PTPRD: variants seen among roughly 807,000 people sequenced by gnomAD.
The protein encoded by PTPRD is receptor-type tyrosine-protein phosphatase delta.
Under a neutral mutation model 214.5 loss-of-function variants are expected in PTPRD, and 34 were observed. The ratio of observed to expected loss-of-function variants is 0.16; its 90% CI spans 0.12 to 0.21. The LOEUF is 0.21. Ranked by LOEUF, PTPRD falls within the 10% of genes least tolerant of loss-of-function variation. The pLI is 1.00. For missense variants in PTPRD, 2,545 were observed against 2,398.7 expected, an observed-to-expected ratio of 1.06 and a Z score of -1.27; for synonymous variants, 1,128 against 845.7, an observed-to-expected ratio of 1.33 and a Z score of -5.79.
chr9:9,540,925 T>C (rs1044075183), intron 8 of PTPRD, among the ~76,000 whole-genome samples: 3 of 151,796 alleles, frequency 2.0e-5, no homozygotes, highest in Non-Finnish European at 2.9e-5. Context: ...CTAAGAACAA[T>C]AGATAAGCTA....
intron 2 of PTPRD, among the ~76,000 whole-genome samples, chr9:10,408,057 G>A (rs1243956196): frequency 6.6e-6 from 1 of 151,438 alleles, no homozygotes; most frequent in Non-Finnish European, 1.5e-5. Context: ...ACAAGGGGTA[G>A]AACATTATAG....
intron 10 of PTPRD, among the ~76,000 whole-genome samples, chr9:9,052,216 C>G (rs77662352): frequency 6.6e-6 from 1 of 152,130 alleles, no homozygotes; most frequent in African/African-American, 2.4e-5. Context: ...AGGATACAAT[C>G]CATTCATGAG....
chr9:8,698,187 G>C lies in PTPRD; in HGVS notation c.64+35593C>G, dbSNP rs141055186. 2.5e-3 allele frequency among the ~76,000 whole-genome samples: 374 copies of C among 152,326 alleles called. 1 individual carries two copies. The highest frequency in any genetic ancestry group is 8.8e-3 in the African/African-American group (364 of 41,580). On this transcript the variant is annotated intron_variant, in intron 12 of 45. Transcript: ENST00000381196. Reference sequence around the variant, plus strand: ...GATGATGTAGATATTGTAAAATGCAGAGTACTAGCATACTGAATGCATACT... The same window carrying C: ...GATGATGTAGATATTGTAAAATGCACAGTACTAGCATACTGAATGCATACT...
chr9:9,647,289 T>C (rs556287029), intron 7 of PTPRD, among the ~76,000 whole-genome samples: 149 of 152,354 alleles, frequency 9.8e-4, no homozygotes, highest in Non-Finnish European at 1.7e-3. Flanking sequence ...AGACAATTTA[T>C]TTGATGACTG....
At chr9:9,372,762 T>G (rs1314650245) in intron 9 of PTPRD, among the ~76,000 whole-genome samples, 1 of 152,168 alleles carries the variant, frequency 6.6e-6, no homozygotes, top group Non-Finnish European at 1.5e-5. Flanking sequence ...GGTTGTTCCT[T>G]TCCATGTTTA....
intron 11 of PTPRD, among the ~76,000 whole-genome samples, chr9:9,016,019 G>C (rs2099533600): frequency 1.3e-5 from 2 of 152,082 alleles, no homozygotes; most frequent in Non-Finnish European, 2.9e-5. Flanking sequence ...AGCAGGACTT[G>C]AGGAATTTGC....
At chr9:10,449,066 T>G (rs557486427) in intron 2 of PTPRD, among the ~76,000 whole-genome samples, 28 of 151,258 alleles carry the variant, frequency 1.9e-4, no homozygotes, top group Non-Finnish European at 3.2e-4. Flanking sequence ...TCTCCCACTT[T>G]CCACGGTCTC....
intron 11 of PTPRD, among the ~76,000 whole-genome samples, chr9:9,006,011 A>T (rs993568257): frequency 1.3e-4 from 20 of 152,028 alleles, no homozygotes; most frequent in East Asian, 7.7e-4. Context: ...ATTTTTTTTT[A>T]AATTTTCTTA....
At chr9:10,064,238 A>C (rs969955459) in intron 3 of PTPRD, among the ~76,000 whole-genome samples, 1 of 151,932 alleles carries the variant, frequency 6.6e-6, no homozygotes, top group Non-Finnish European at 1.5e-5. Context: ...AGTATGGTGA[A>C]TTGTTTTGAG....
chr9:10,548,237 G>A (rs1202161507), intron 2 of PTPRD, among the ~76,000 whole-genome samples: 7 of 152,238 alleles, frequency 4.6e-5, no homozygotes, highest in African/African-American at 1.7e-4. Flanking sequence ...TGCGGAATGA[G>A]CTTTCCTTTT....
chr9:10,430,156 A>T (rs1271163110), intron 2 of PTPRD, among the ~76,000 whole-genome samples: 2 of 152,000 alleles, frequency 1.3e-5, no homozygotes, highest in African/African-American at 2.4e-5. Flanking sequence ...GATAATGGAT[A>T]AAATAATTTG....
chr9:9,409,645 C>G (rs1035895177), intron 8 of PTPRD, among the ~76,000 whole-genome samples: 1 of 151,798 alleles, frequency 6.6e-6, no homozygotes, highest in African/African-American at 2.4e-5. Context: ...GCAAAGGAAC[C>G]CACCATAAGG....
intron 11 of PTPRD, among the ~76,000 whole-genome samples, chr9:8,909,296 G>C (rs2098730544): frequency 6.6e-6 from 1 of 151,900 alleles, no homozygotes; most frequent in Admixed American, 6.6e-5. Flanking sequence ...ACCAAACAAA[G>C]ACATCACATA....
chr9:10,065,180 A>AAAGAAAGAAAGAAAGG (rs147434150), intron 3 of PTPRD, among the ~76,000 whole-genome samples: 7,923 of 150,250 alleles, frequency 0.053, 324 homozygotes, highest in South Asian at 0.097. Flanking sequence ...AGAAAGAAAG[A>AAAGAAAGAAAGAAAGG]AAGAAAGAAA....
intron 10 of PTPRD, among the ~76,000 whole-genome samples, chr9:9,065,493 G>C (rs958978443): frequency 1.3e-5 from 2 of 152,188 alleles, no homozygotes; most frequent in African/African-American, 4.8e-5. Flanking sequence ...TAAGATACAC[G>C]GTCAAGTGTG....
chr9:10,279,474 G>C (rs906790086), intron 3 of PTPRD, among the ~76,000 whole-genome samples: 2 of 151,844 alleles, frequency 1.3e-5, no homozygotes, highest in South Asian at 4.2e-4. Context: ...TTTACCTACT[G>C]TAATCTTTCT....
intron 14 of PTPRD, among the ~76,000 whole-genome samples, chr9:8,578,780 A>G (rs1396331503): frequency 6.6e-6 from 1 of 152,242 alleles, no homozygotes; most frequent in Non-Finnish European, 1.5e-5. Flanking sequence ...TAACATATTG[A>G]CTTAAACAGA....
intron 11 of PTPRD, among the ~76,000 whole-genome samples, chr9:8,785,147 G>C (rs1442369380): frequency 6.6e-6 from 1 of 152,176 alleles, no homozygotes; most frequent in Non-Finnish European, 1.5e-5. Flanking sequence ...AGGACTTGGT[G>C]TATAGACACA....
intron 2 of PTPRD, among the ~76,000 whole-genome samples, chr9:10,429,526 C>T (rs2098657099): frequency 2.0e-5 from 3 of 151,794 alleles, no homozygotes. Flanking sequence ...TCATTTTCAG[C>T]AACATGGATG....
Sources: allele counts gnomAD v4.1 joint callset (sites outside exome capture counted in the v4.1 genomes callset), GRCh38; gene constraint gnomAD v4.1.1; transcripts MANE v1.5; gene names NCBI Gene and HGNC (gene_info 2026-07-23, HGNC 2026-07-21).